MCTP1: variants seen among roughly 807,000 people sequenced by gnomAD.
MCTP1 encodes the protein multiple C2 and transmembrane domain-containing protein 1.
MCTP1 carries 69 observed loss-of-function variants against 120.6 expected under a neutral mutation model. That is an observed-to-expected ratio of 0.57 (90% CI 0.47 to 0.70). The LOEUF (loss-of-function observed/expected upper bound fraction) is 0.70, where lower values mean the gene tolerates loss of function less well. Among genes scored for constraint, MCTP1 ranks in the 30% least tolerant of loss-of-function variants. The pLI, the probability that MCTP1 is intolerant of heterozygous loss-of-function variation, is 0.00. For synonymous variants in MCTP1, 529 were observed against 493.1 expected (o/e 1.07, Z -0.96); for missense variants, 1,203 against 1,248.8 (o/e 0.96, Z 0.55).
intron 4 of MCTP1, among the ~76,000 whole-genome samples, chr5:94,941,208 T>G (rs1230328661): frequency 6.6e-6 from 1 of 152,004 alleles, no homozygotes; most frequent in East Asian, 1.9e-4. Flanking sequence ...AAAGTACCTG[T>G]GAGGTTTACA....
chr5:94,987,302 T>C (rs1284113312), intron 2 of MCTP1, among the ~76,000 whole-genome samples: 1 of 152,196 alleles, frequency 6.6e-6, no homozygotes, highest in East Asian at 1.9e-4. Flanking sequence ...ATTATAAGCA[T>C]GGGGCTTTGC....
At chr5:94,805,228 T>C (rs1053184054) in intron 17 of MCTP1, among the ~76,000 whole-genome samples, 2 of 152,238 alleles carry the variant, frequency 1.3e-5, no homozygotes, top group African/African-American at 4.8e-5. Flanking sequence ...AACATTACAA[T>C]ATGCAATTTT....
At chr5:94,757,330 C>T (rs1156959330) in intron 19 of MCTP1, among the ~76,000 whole-genome samples, 1 of 152,084 alleles carries the variant, frequency 6.6e-6, no homozygotes, top group African/African-American at 2.4e-5. Context: ...CATATAGATA[C>T]CAAGGCAGAC....
chr5:95,034,620 C>A (rs1266061785), intron 1 of MCTP1, among the ~76,000 whole-genome samples: 1 of 151,816 alleles, frequency 6.6e-6, no homozygotes, highest in African/African-American at 2.4e-5. Context: ...CTAGAAAAAT[C>A]CTAGAAGAAA....
intron 19 of MCTP1, among the ~76,000 whole-genome samples, chr5:94,718,697 C>T (rs539687593): frequency 6.6e-6 from 1 of 152,048 alleles, no homozygotes; most frequent in Admixed American, 6.6e-5. Context: ...AAGACATGAA[C>T]AGACACTTCA....
intron 1 of MCTP1, among the ~76,000 whole-genome samples, chr5:95,201,469 T>G (rs1045114114): frequency 0.016 from 50 of 3,112 alleles, 1 homozygote; most frequent in African/African-American, 0.022. Flanking sequence ...AAGTGGTTTT[T>G]TTTTTTTTTT....
In MCTP1 at chr5:94,942,359, C is replaced by T. The variant is rs1355619000; in HGVS notation, c.1050G>A (p.Leu350=). The change falls in exon 4 of 23, where the codon TTG becomes TTA. Residue 350 remains leucine (L), a synonymous_variant. Coordinates refer to ENST00000515393, the MANE Select transcript of MCTP1 (RefSeq NM_024717.7). ...AGTTCAAAAGTTACCTGTTTAACTC[C>T]AATTGTGTCAGATCCAGAAAGGCTG... The part of the protein sequence containing the change: ...MGSAFLDLTQ[L]ELNRPTDVTL... The T allele has an allele frequency of 1.2e-6, 2 of 1,610,844 alleles. No individual in the cohort carries two copies. The highest frequency in any genetic ancestry group is 1.7e-6 in the Non-Finnish European group (2 of 1,177,872).
chr5:95,185,282 G>A (rs951622271), intron 1 of MCTP1, among the ~76,000 whole-genome samples: 5 of 152,170 alleles, frequency 3.3e-5, no homozygotes, highest in East Asian at 1.9e-4. Context: ...CTTAGATGCA[G>A]AAATCCTCAA....
At chr5:94,917,477 C>G (rs992997886) in intron 8 of MCTP1, among the ~76,000 whole-genome samples, 1 of 152,162 alleles carries the variant, frequency 6.6e-6, no homozygotes, top group Admixed American at 6.5e-5. Context: ...ACTGAAATTG[C>G]GTGATTCTCT....
rs189570704 is a variant in MCTP1, at chr5:95,274,665, C to T, written c.720+9191G>A. On this transcript the variant is annotated intron_variant, in intron 1 of 22. Transcript: ENST00000515393. ...TTGAGACGAAGTCTTGCTCTGTCGC[C>T]CAGGCTGGAGTGCAGGGGTGTGATC... 3.2e-3 allele frequency among the ~76,000 whole-genome samples: 480 copies of T among 149,376 alleles called. 3 individuals carry two copies. Among genetic ancestry groups the T allele is most frequent in the African/African-American group, 0.011 (457 of 40,224 alleles).
chr5:95,201,463 G>GTTTTTTTTTTTTTTTTTT (rs1562232022), intron 1 of MCTP1, among the ~76,000 whole-genome samples: 1 of 120,682 alleles, frequency 8.3e-6, no homozygotes, highest in Non-Finnish European at 1.8e-5. Context: ...AAGGAAAAGT[G>GTTTTTTTTTTTTTTTTTT]GTTTTTTTTT....
intron 1 of MCTP1, among the ~76,000 whole-genome samples, chr5:95,047,133 GGAT>G (rs1744745361): frequency 6.6e-6 from 1 of 152,140 alleles, no homozygotes; most frequent in South Asian, 2.1e-4. Flanking sequence ...ACAGGCCTGA[GGAT>G]GAATCAGAGG....
chr5:95,281,423 C>G (rs908925606), intron 1 of MCTP1, among the ~76,000 whole-genome samples: 1 of 152,178 alleles, frequency 6.6e-6, no homozygotes, highest in East Asian at 1.9e-4. Flanking sequence ...GAGAAATCCT[C>G]TCTTTTACAT....
intron 17 of MCTP1, among the ~76,000 whole-genome samples, chr5:94,823,778 T>G (rs926634602): frequency 6.6e-6 from 1 of 152,190 alleles, no homozygotes; most frequent in African/African-American, 2.4e-5. Context: ...TAAGCTGTAT[T>G]CCTAGGTATT....
At chr5:94,758,344 A>G (rs995501884) in intron 19 of MCTP1, among the ~76,000 whole-genome samples, 5 of 152,184 alleles carry the variant, frequency 3.3e-5, no homozygotes, top group African/African-American at 7.2e-5. Context: ...CTATAGTCCT[A>G]GCTACTTGGA....
At chr5:94,885,397 T>G (rs1413498285) in intron 12 of MCTP1, among the ~76,000 whole-genome samples, 1 of 151,894 alleles carries the variant, frequency 6.6e-6, no homozygotes, top group African/African-American at 2.4e-5. Context: ...CTCCTTCTCC[T>G]CTTAGAACTT....
chr5:94,947,119 C>T (rs1819140580), intron 3 of MCTP1, among the ~76,000 whole-genome samples: 2 of 152,130 alleles, frequency 1.3e-5, no homozygotes, highest in Non-Finnish European at 2.9e-5. Context: ...CTTGCCTGGT[C>T]TCTGTCTACA....
At chr5:94,991,598 T>C (rs1341946414) in intron 2 of MCTP1, among the ~76,000 whole-genome samples, 2 of 152,106 alleles carry the variant, frequency 1.3e-5, no homozygotes, top group Non-Finnish European at 2.9e-5. Context: ...AGCTTCATGC[T>C]TTAAAGAGTT....
At chr5:94,896,956 T>G (rs1361340815) in intron 10 of MCTP1, among the ~76,000 whole-genome samples, 1 of 152,168 alleles carries the variant, frequency 6.6e-6, no homozygotes, top group Non-Finnish European at 1.5e-5. Context: ...GAATCCAGGA[T>G]CTAGGCTTTT....
Sources: allele counts gnomAD v4.1 joint callset (sites outside exome capture counted in the v4.1 genomes callset), GRCh38; gene constraint gnomAD v4.1.1; transcripts MANE v1.5; gene names NCBI Gene and HGNC (gene_info 2026-07-23, HGNC 2026-07-21).